ADAMTS12: variants seen among roughly 807,000 people sequenced by gnomAD.
The protein encoded by ADAMTS12 is ADAM metallopeptidase with thrombospondin type 1 motif 12.
In ADAMTS12, 118 loss-of-function variants were observed where a neutral mutation model predicts 167.8. That is an observed-to-expected ratio of 0.70 (90% CI 0.61 to 0.82). The LOEUF (loss-of-function observed/expected upper bound fraction) is 0.82, where lower values mean the gene tolerates loss of function less well. Ranked by LOEUF, ADAMTS12 falls within the 40% of genes least tolerant of loss-of-function variation. The pLI is 0.00. For synonymous variants in ADAMTS12, 704 were observed against 716.9 expected (o/e 0.98, Z 0.29); for missense variants, 1,916 against 1,998.8 (o/e 0.96, Z 0.79).
intron 5 of ADAMTS12, among the ~76,000 whole-genome samples, chr5:33,666,907 T>C (rs1235678028): frequency 6.6e-6 from 1 of 152,208 alleles, no homozygotes; most frequent in Non-Finnish European, 1.5e-5. Context: ...TACATAATAA[T>C]AAAACCACGT....
At chr5:33,800,797 A>G (rs906604152) in intron 2 of ADAMTS12, among the ~76,000 whole-genome samples, 1 of 152,164 alleles carries the variant, frequency 6.6e-6, no homozygotes, top group African/African-American at 2.4e-5. Flanking sequence ...ATATCCAGAA[A>G]TTTTGTGAGC....
At chr5:33,761,122 C>A (rs1339891761) in intron 2 of ADAMTS12, among the ~76,000 whole-genome samples, 1 of 151,660 alleles carries the variant, frequency 6.6e-6, no homozygotes, top group East Asian at 2.0e-4. Flanking sequence ...GCCATTATGG[C>A]GGATTTAGCC....
intron 2 of ADAMTS12, among the ~76,000 whole-genome samples, chr5:33,848,204 A>C (rs1223466605): frequency 2.0e-5 from 3 of 151,764 alleles, no homozygotes; most frequent in Non-Finnish European, 4.4e-5. Context: ...GTAACAGAGT[A>C]AGACTCTGTT....
intron 20 of ADAMTS12, among the ~76,000 whole-genome samples, chr5:33,557,596 C>T (rs1745542432): frequency 6.6e-6 from 1 of 152,022 alleles, no homozygotes; most frequent in Non-Finnish European, 1.5e-5. Flanking sequence ...GGCCACTGCA[C>T]TCCAGCTTAG....
intron 2 of ADAMTS12, among the ~76,000 whole-genome samples, chr5:33,786,714 T>C (rs563647526): frequency 6.6e-6 from 1 of 152,302 alleles, no homozygotes; most frequent in Admixed American, 6.5e-5. Context: ...AGCCCATGTC[T>C]GCAACAGTAG....
intron 11 of ADAMTS12, among the ~76,000 whole-genome samples, chr5:33,640,227 G>C (rs1579787223): frequency 2.0e-5 from 3 of 152,178 alleles, no homozygotes; most frequent in African/African-American, 7.2e-5. Context: ...ATGAATTTAA[G>C]CAAACCGGCA....
intron 5 of ADAMTS12, among the ~76,000 whole-genome samples, chr5:33,669,969 C>A (rs1294562652): frequency 6.6e-6 from 1 of 151,918 alleles, no homozygotes; most frequent in Non-Finnish European, 1.5e-5. Context: ...AGACTTGGCA[C>A]TAATAACATA....
intron 2 of ADAMTS12, chr5:33,880,779 C>T (rs187798257): frequency 8.5e-4 from 224 of 264,364 alleles, no homozygotes; most frequent in Middle Eastern, 2.6e-3. Context: ...ATTCAAAATA[C>T]GCTGTCCAGC....
At chr5:33,857,057 T>C (rs1040576644) in intron 2 of ADAMTS12, among the ~76,000 whole-genome samples, 9 of 152,340 alleles carry the variant, frequency 5.9e-5, no homozygotes, top group East Asian at 1.9e-4. Context: ...CGTGTGTATA[T>C]GTGTGATAAA....
At chr5:33,806,545 T>A (rs1012929451) in intron 2 of ADAMTS12, among the ~76,000 whole-genome samples, 3 of 152,204 alleles carry the variant, frequency 2.0e-5, no homozygotes, top group African/African-American at 7.2e-5. Flanking sequence ...GAGTCTCGGC[T>A]TTGGTCCAGT....
chr5:33,691,172 T>C (rs186322321), intron 3 of ADAMTS12, among the ~76,000 whole-genome samples: 5 of 152,332 alleles, frequency 3.3e-5, no homozygotes, highest in East Asian at 1.9e-4. Flanking sequence ...TTACATTTCA[T>C]GTAGGGTATA....
At chr5:33,541,301 A>G (rs1320097663) in intron 22 of ADAMTS12, among the ~76,000 whole-genome samples, 1 of 152,234 alleles carries the variant, frequency 6.6e-6, no homozygotes, top group African/African-American at 2.4e-5. Flanking sequence ...GTAAAAAGAA[A>G]CAAACAAAGC....
chr5:33,550,348 C>T (rs546367164), intron 20 of ADAMTS12, among the ~76,000 whole-genome samples: 1 of 152,338 alleles, frequency 6.6e-6, no homozygotes, highest in Admixed American at 6.5e-5. Context: ...GTTTAGAACT[C>T]TAGTGCTTGC....
chr5:33,592,312 A>G (rs1157293222), intron 17 of ADAMTS12, among the ~76,000 whole-genome samples: 1 of 152,216 alleles, frequency 6.6e-6, no homozygotes, highest in African/African-American at 2.4e-5. Flanking sequence ...CAAAGCAGCA[A>G]TAGCGTTGAG....
chr5:33,603,101 T>C (rs956564168), intron 16 of ADAMTS12, among the ~76,000 whole-genome samples: 4 of 152,182 alleles, frequency 2.6e-5, no homozygotes, highest in African/African-American at 9.7e-5. Flanking sequence ...TCAAGATCAC[T>C]GAGCACAAAA....
chr5:33,536,796 T>A (rs368578541), intron 22 of ADAMTS12, among the ~76,000 whole-genome samples: 1 of 152,244 alleles, frequency 6.6e-6, no homozygotes, highest in East Asian at 1.9e-4. Flanking sequence ...AAAATGTTCT[T>A]TTACAATTTT....
At chr5:33,745,770 A>G (rs1297548433) in intron 3 of ADAMTS12, among the ~76,000 whole-genome samples, 2 of 152,244 alleles carry the variant, frequency 1.3e-5, no homozygotes, top group Non-Finnish European at 2.9e-5. Flanking sequence ...AGTATCTCAG[A>G]GCTACAGAGA....
chr5:33,696,153 G>T (rs1365772975), intron 3 of ADAMTS12, among the ~76,000 whole-genome samples: 1 of 152,154 alleles, frequency 6.6e-6, no homozygotes, highest in East Asian at 1.9e-4. Context: ...TGGGCGTCGT[G>T]GCTCATGCCT....
rs144436823 is a variant in ADAMTS12, at chr5:33,822,927, T to C, written c.489+58192A>G. 2.4e-3 allele frequency among the ~76,000 whole-genome samples: 357 copies of C among 151,476 alleles called. 12 individuals are homozygous for C. Among genetic ancestry groups the C allele is most frequent in the Admixed American group, 0.021 (327 of 15,218 alleles). ...CTTGGCAAGACTCCAACTCTACAAA[T>C]AGAAGAATTAAAAAATTAGCCAGAT... On this transcript the variant is annotated intron_variant, in intron 2 of 23. Transcript: ENST00000504830.
Sources: gnomAD v4.1 joint callset for allele counts (sites outside exome capture counted in the v4.1 genomes callset) on GRCh38, gnomAD v4.1.1 for gene constraint, MANE v1.5 for transcripts, NCBI Gene and HGNC (gene_info 2026-07-23, HGNC 2026-07-21) for gene names.